Variants in TNRC18 observed in about 807,000 individuals in gnomAD.
TNRC18 encodes the protein trinucleotide repeat-containing gene 18 protein.
In TNRC18, 69 loss-of-function variants were observed where a neutral mutation model predicts 226.7. The observed-to-expected ratio is 0.30, with a 90% confidence interval of 0.25 to 0.37. The LOEUF is 0.37. TNRC18 is among the 10% of genes least tolerant of loss of function. The pLI is 1.00. For synonymous variants in TNRC18, 2,449 were observed against 1,927.6 expected, an observed-to-expected ratio of 1.27 and a Z score of -7.09; for missense variants, 4,754 against 4,256.6, an observed-to-expected ratio of 1.12 and a Z score of -3.25.
rs1391991907 is a variant in TNRC18, at chr7:5,307,271, A to ATATT, written c.*831_*834dup. The stretch of plus-strand genomic sequence containing the variant: ...AAAAAGTTTATATATATATTTATAT[A>ATATT]TATTTATCTTTATATATATAATTAA... On this transcript the variant is annotated 3_prime_UTR_variant, in exon 30 of 30. Transcript: ENST00000430969. 2.0e-5 allele frequency: 3 copies of ATATT among 149,098 alleles called. No homozygotes were observed. Among genetic ancestry groups the ATATT allele is most frequent in the Non-Finnish European group, 1.5e-5 (1 of 67,388 alleles). 9.2% of individuals were successfully genotyped at this position (149,098 alleles called of 1,614,324 possible).
At chr7:5,402,052 C>G (rs572595112) in intron 2 of TNRC18, among the ~76,000 whole-genome samples, 375 of 151,894 alleles carry the variant, frequency 2.5e-3, no homozygotes, top group Non-Finnish European at 4.2e-3. Context: ...GGTGGCGGGC[C>G]CCTGTAGTCC....
chr7:5,388,182 TGGA>T lies in TNRC18; in HGVS notation c.1639_1641del (p.Ser547del), dbSNP rs760292442. 15 of 1,585,884 alleles carry T rather than the reference TGGA, an allele frequency of 9.5e-6. No homozygotes were observed. The African/African-American group carries it at 1.1e-4, about 11-fold the overall frequency. ...GCCCCAGGGTCCAGGTAGGCCTTCT[TGGA>T]GGAGGAGGCAGCGACCACGGCGGCC... is the stretch of plus-strand genomic sequence containing the variant. On this transcript the variant is annotated inframe_deletion, in exon 5 of 30. Coordinates refer to ENST00000430969, the MANE Select transcript of TNRC18 (RefSeq NM_001080495.3).
Position 5,362,796 on chromosome 7 carries a change from A to C in TNRC18, c.4249T>G (p.Ser1417Ala), listed in dbSNP as rs1793200117. The C allele has an allele frequency of 6.4e-7, 1 of 1,568,534 alleles. No individual in the cohort carries two copies. The highest frequency in any genetic ancestry group is 1.4e-5 in the African/African-American group (1 of 73,990). The change falls in exon 12 of 30, where the codon TCC (serine) becomes GCC (alanine). Residue 1417 changes from serine to alanine, a missense_variant. Ser to Ala is a moderately conservative substitution (Grantham distance 99). Coordinates refer to ENST00000430969, the MANE Select transcript of TNRC18 (RefSeq NM_001080495.3). ...CCAGCTGCCAGCAGACTCTCCAGGG[A>C]GGGCCGCGCCACCAGGGCCCGCTCC... ...GAERALVARP[S>A]LESLLAAGSH... is the part of the protein sequence containing the mutation.
At chr7:5,363,568 C>T (rs1254086312) in intron 11 of TNRC18, among the ~76,000 whole-genome samples, 1 of 152,134 alleles carries the variant, frequency 6.6e-6, no homozygotes. Flanking sequence ...GGCGCCACTG[C>T]ACTCCAGCCT....
Position 5,387,962 on chromosome 7 carries a change from G to A in TNRC18, c.1862C>T (p.Pro621Leu), listed in dbSNP as rs1159435832. 1 of 1,597,426 alleles carries A rather than the reference G, an allele frequency of 6.3e-7. No homozygotes were observed. Among genetic ancestry groups the A allele is most frequent in the East Asian group, 2.3e-5 (1 of 44,114 alleles). ...ACCCGCAGAGGTGGGCGCAGGCTCG[G>A]GTTTCATGGTGCCCAAACCTCCAAA... ...SPFGGLGTMKPEPAPTSAGAS... is the reference protein window; with the variant it reads ...SPFGGLGTMKLEPAPTSAGAS... The change falls in exon 5 of 30, where the codon CCC (proline) becomes CTC (leucine). Residue 621 changes from proline (P) to leucine (L), a missense_variant. Transcript: ENST00000430969.
At position 5,377,461 on chromosome 7, in the gene TNRC18, A is replaced by G. The variant is rs1779068809; in HGVS notation, c.2371T>C (p.Trp791Arg). 4 of 1,578,560 alleles carry G rather than the reference A, an allele frequency of 2.5e-6. No homozygotes were observed. The highest frequency in any genetic ancestry group is 3.4e-6 in the Non-Finnish European group (4 of 1,163,692). ...AGATGGGCTGCGGGGTCGGCAGACCAGCGACCTGAGCCCGCCAGCGCCGGG... is the reference window on the plus strand; with the variant it reads ...AGATGGGCTGCGGGGTCGGCAGACCGGCGACCTGAGCCCGCCAGCGCCGGG... ...GGPALAGSGR[W>R]SADPAAHLAT... is the part of the protein sequence containing the mutation. The change falls in exon 7 of 30, where the codon TGG (tryptophan) becomes CGG (arginine). Residue 791 changes from tryptophan (W) to arginine (R), a missense_variant. By Grantham distance (101) the Trp-to-Arg change is moderately radical. Coordinates refer to ENST00000430969, the MANE Select transcript of TNRC18 (RefSeq NM_001080495.3). The surrounding 1 kb of genome is among the most constrained non-coding windows in gnomAD (Gnocchi z 5.8).
intron 2 of TNRC18, among the ~76,000 whole-genome samples, chr7:5,419,543 G>GC (rs1220311017): frequency 6.6e-6 from 1 of 151,752 alleles, no homozygotes; most frequent in Non-Finnish European, 1.5e-5. Context: ...CCCCAGGGCC[G>GC]CCCCCCAAGT....
intron 10 of TNRC18, 109 bp from the exon 11 acceptor site, chr7:5,371,473 T>G: frequency 1.5e-6 from 2 of 1,337,496 alleles, no homozygotes; most frequent in South Asian, 3.4e-5. Context: ...AGCCGCCCCC[T>G]GCTCACCCAG....
intron 24 of TNRC18, among the ~76,000 whole-genome samples, chr7:5,318,390 G>C (rs1227254790): frequency 6.6e-6 from 1 of 152,022 alleles, no homozygotes; most frequent in Non-Finnish European, 1.5e-5. Flanking sequence ...GATAAAAGTA[G>C]AGAAAATCTC....
intron 2 of TNRC18, among the ~76,000 whole-genome samples, chr7:5,410,051 C>G (rs1781742815): frequency 6.6e-6 from 1 of 151,274 alleles, no homozygotes; most frequent in African/African-American, 2.4e-5. Context: ...TGGCTCACAC[C>G]TGTAATCCCA....
chr7:5,363,624 G>A (rs1482633271), intron 11 of TNRC18, among the ~76,000 whole-genome samples: 4 of 151,878 alleles, frequency 2.6e-5, no homozygotes, highest in South Asian at 2.1e-4. Context: ...TCAATCAATC[G>A]AACAGGAGAG....
chr7:5,364,696 T>TG (rs1235440572), intron 11 of TNRC18, among the ~76,000 whole-genome samples: 1 of 147,440 alleles, frequency 6.8e-6, no homozygotes, highest in Non-Finnish European at 1.5e-5. Context: ...CCCAGCTACT[T>TG]GGGAGGCTGA....
chr7:5,368,047 C>T (rs528240762), intron 11 of TNRC18, among the ~76,000 whole-genome samples: 263 of 68,992 alleles, frequency 3.8e-3, no homozygotes, highest in African/African-American at 0.027. Flanking sequence ...TTATTTGCAA[C>T]GGAGAAAAAA....
At chr7:5,376,327 T>G in intron 8 of TNRC18, 103 bp from the exon 9 acceptor site, 1 of 1,060,744 alleles carries the variant, frequency 9.4e-7, no homozygotes, top group Non-Finnish European at 1.3e-6. Context: ...ACCCACACAG[T>G]GGGGAGCTGG....
At chr7:5,332,542 A>T in intron 19 of TNRC18, 80 bp downstream of exon 19, 1 of 1,422,688 alleles carries the variant, frequency 7.0e-7, no homozygotes, top group Non-Finnish European at 9.2e-7. Context: ...CCGCTTCCCT[A>T]GGCTGGGAGG....
chr7:5,351,114 A>T (rs1457873823), intron 17 of TNRC18, among the ~76,000 whole-genome samples: 1 of 152,102 alleles, frequency 6.6e-6, no homozygotes, highest in Non-Finnish European at 1.5e-5. Context: ...AATGAATGCC[A>T]ATCGCTACCA....
At position 5,351,860 on chromosome 7, in the gene TNRC18, C is replaced by T. The variant is rs564670840; in HGVS notation, c.5429G>A (p.Arg1810His). 9.3e-6 allele frequency: 15 copies of T among 1,608,338 alleles called. No homozygotes were observed. The highest frequency in any genetic ancestry group is 5.1e-5 in the Admixed American group (3 of 58,382). The change falls in exon 17 of 30, where the codon CGT becomes CAT. Residue 1810 changes from arginine to histidine, a missense_variant. Coordinates refer to ENST00000430969, the MANE Select transcript of TNRC18 (RefSeq NM_001080495.3). Reference protein sequence around the residue: ...FCLLLREAEARSSFSDSSEES... With the variant: ...FCLLLREAEAHSSFSDSSEES... ...CTCCGAAGAGTCGCTGAAGGAGGAA[C>T]GCGCCTCGGCCTCTCGAAGCAGCAG... is the stretch of plus-strand genomic sequence containing the variant.
chr7:5,341,362 T>G (rs547043958), intron 18 of TNRC18, among the ~76,000 whole-genome samples: 1 of 138,554 alleles, frequency 7.2e-6, no homozygotes, highest in Non-Finnish European at 1.5e-5. Flanking sequence ...GAGCTTGCAG[T>G]GAGCAGAGAT....
chr7:5,312,965 A>AGAGGAGGAGGAGGAAGAG lies in TNRC18; in HGVS notation c.7908_7925dup (p.Ser2666_Ser2671dup). The stretch of plus-strand genomic sequence containing the variant: ...AGGAAGAGGAGGAAGACGAAGAGGA[A>AGAGGAGGAGGAGGAAGAG]GAGGAGGAGGAGGAAGAGGAGGAGG... On this transcript the variant is annotated inframe_insertion, in exon 27 of 30. Transcript: ENST00000430969. The surrounding 1 kb of genome is among the most constrained non-coding windows in gnomAD (Gnocchi z 6.3). 9.0e-7 allele frequency: 1 copy of AGAGGAGGAGGAGGAAGAG among 1,110,732 alleles called. No individual in the cohort carries two copies. The highest frequency in any genetic ancestry group is 1.3e-6 in the Non-Finnish European group (1 of 787,564). 68.8% of individuals were successfully genotyped at this position (1,110,732 alleles called of 1,614,324 possible).
Sources: allele counts gnomAD v4.1 joint callset (sites outside exome capture counted in the v4.1 genomes callset), GRCh38; gene constraint gnomAD v4.1.1; non-coding constraint Gnocchi (gnomAD v3.1); transcripts MANE v1.5; gene names NCBI Gene and HGNC (gene_info 2026-07-23, HGNC 2026-07-21).